PTPRC: variants seen among roughly 807,000 people sequenced by gnomAD.
PTPRC encodes the protein receptor-type tyrosine-protein phosphatase C.
In PTPRC, 44 loss-of-function variants were observed where a neutral mutation model predicts 155.9. The observed-to-expected ratio is 0.28, with a 90% CI of 0.22 to 0.36. The LOEUF (loss-of-function observed/expected upper bound fraction) is 0.36, where lower values mean the gene tolerates loss of function less well. PTPRC is among the 10% of genes least tolerant of loss of function. PTPRC has a pLI of 1.00. For synonymous variants in PTPRC, 525 were observed against 533.1 expected, an observed-to-expected ratio of 0.98 and a Z score of 0.21; for missense variants, 1,401 against 1,564.6, an observed-to-expected ratio of 0.90 and a Z score of 1.76.
intron 12 of PTPRC, 129 bp from the exon 13 acceptor site, chr1:198,716,553 A>T: frequency 2.6e-6 from 2 of 760,676 alleles, no homozygotes; most frequent in South Asian, 3.3e-5. Context: ...TCAAGGATGT[A>T]CTTATTTTTC....
intron 15 of PTPRC, among the ~76,000 whole-genome samples, chr1:198,725,551 T>C (rs1249240843): frequency 6.6e-6 from 1 of 152,238 alleles, no homozygotes. Context: ...GGTGTCCAAC[T>C]ATTGCATATG....
rs186169198 is a variant in PTPRC, at chr1:198,742,201, T to C, written c.2562-31T>C. 6,364 of 1,612,022 alleles carry C rather than the reference T, an allele frequency of 3.9e-3. 26 individuals carry two copies. Among genetic ancestry groups the C allele is most frequent in the Non-Finnish European group, 5.0e-3 (5,837 of 1,178,674 alleles). On this transcript the variant is annotated intron_variant, in intron 24 of 32. Coordinates refer to ENST00000442510, the MANE Select transcript of PTPRC (RefSeq NM_002838.5). Reference sequence around the variant, plus strand: ...ACACCTGACAGCTTTTCCATGATCATGCCTCTGCTTTTTTTTGCTTGGTTT... The same window carrying C: ...ACACCTGACAGCTTTTCCATGATCACGCCTCTGCTTTTTTTTGCTTGGTTT...
intron 2 of PTPRC, among the ~76,000 whole-genome samples, chr1:198,640,196 A>G (rs1018738932): frequency 4.6e-5 from 7 of 151,978 alleles, no homozygotes; most frequent in African/African-American, 4.8e-5. Flanking sequence ...TCATGAGTAC[A>G]TTTCAATAGA....
chr1:198,665,201 T>G (rs1481057633), intron 2 of PTPRC, among the ~76,000 whole-genome samples: 1 of 146,678 alleles, frequency 6.8e-6, no homozygotes, highest in African/African-American at 2.5e-5. Context: ...GCCATTCTCC[T>G]GCCTCAGCCT....
chr1:198,672,901 T>G (rs1319310359), intron 2 of PTPRC, among the ~76,000 whole-genome samples: 2 of 152,200 alleles, frequency 1.3e-5, no homozygotes, highest in African/African-American at 4.8e-5. Flanking sequence ...TACTGAAAGC[T>G]CTATAATAAT....
rs1655288132 is a variant in PTPRC, at chr1:198,749,561, A to G, written c.3072+12A>G. On this transcript the variant is annotated intron_variant, in intron 28 of 32. Transcript: ENST00000442510. ...CATCTTTTATAATGGTAGGTACTTA[A>G]ATTGCCAAAACCCAAGATCCAAACA... 1 of 1,609,438 alleles carries G rather than the reference A, an allele frequency of 6.2e-7. No individual in the cohort carries two copies. Among genetic ancestry groups the G allele is most frequent in the Admixed American group, 1.7e-5 (1 of 59,706 alleles).
chr1:198,755,571 C>T (rs904304029), intron 32 of PTPRC, among the ~76,000 whole-genome samples: 14 of 151,948 alleles, frequency 9.2e-5, no homozygotes, highest in Non-Finnish European at 1.9e-4. Flanking sequence ...GCAGTGATTC[C>T]TGCCCTGATT....
intron 30 of PTPRC, 26 bp downstream of exon 30, chr1:198,752,397 T>A (rs1655425444): frequency 1.9e-6 from 3 of 1,611,136 alleles, no homozygotes; most frequent in Non-Finnish European, 2.5e-6. Flanking sequence ...GGGGAGTATA[T>A]TTCTTTGATA....
chr1:198,703,604 G>A (rs1571851484), intron 7 of PTPRC: 1 of 665,646 alleles, frequency 1.5e-6, no homozygotes, highest in Non-Finnish European at 2.5e-6. Context: ...GCATGTGTGA[G>A]AAACAACCAC....
At chr1:198,654,268 A>G (rs1273341442) in intron 2 of PTPRC, among the ~76,000 whole-genome samples, 2 of 151,896 alleles carry the variant, frequency 1.3e-5, no homozygotes, top group Non-Finnish European at 2.9e-5. Flanking sequence ...GAGGTTAACA[A>G]TAACAGTGGC....
Position 198,709,902 on chromosome 1 carries a change from A to G in PTPRC, c.1171+78A>G. The G allele has an allele frequency of 1.3e-6, 2 of 1,553,410 alleles. No homozygotes were observed. The highest frequency in any genetic ancestry group is 8.8e-7 in the Non-Finnish European group (1 of 1,139,910). ...TATAATTATTTGAGAATCATAGGAA[A>G]TGAATTGTCTTTTTGCTGTTTTTGA... On this transcript the variant is annotated intron_variant, in intron 11 of 32. Coordinates refer to ENST00000442510, the MANE Select transcript of PTPRC (RefSeq NM_002838.5).
At chr1:198,645,081 T>C (rs1225243071) in intron 2 of PTPRC, among the ~76,000 whole-genome samples, 2 of 151,850 alleles carry the variant, frequency 1.3e-5, no homozygotes, top group Admixed American at 1.3e-4. Context: ...GATTTGCTAA[T>C]GTAGGAGTAG....
chr1:198,719,230 G>A (rs1487245471), intron 14 of PTPRC, among the ~76,000 whole-genome samples: 1 of 152,024 alleles, frequency 6.6e-6, no homozygotes, highest in Non-Finnish European at 1.5e-5. Context: ...CACCAACACT[G>A]AATACGCCTT....
At chr1:198,667,924 G>A (rs1051757298) in intron 2 of PTPRC, among the ~76,000 whole-genome samples, 2 of 152,176 alleles carry the variant, frequency 1.3e-5, no homozygotes, top group Non-Finnish European at 2.9e-5. Context: ...CTGGAAAGAA[G>A]TAGGCAATCA....
chr1:198,640,364 A>G (rs1251910699), intron 2 of PTPRC, among the ~76,000 whole-genome samples: 1 of 151,906 alleles, frequency 6.6e-6, no homozygotes, highest in Admixed American at 6.6e-5. Context: ...TCTTTTTTTG[A>G]CTTTTACCGT....
chr1:198,688,252 T>C (rs1665740114), intron 2 of PTPRC, among the ~76,000 whole-genome samples: 1 of 152,160 alleles, frequency 6.6e-6, no homozygotes, highest in Non-Finnish European at 1.5e-5. Context: ...ACATATTCAA[T>C]TCAAGAGGCC....
chr1:198,699,507 A>C, intron 4 of PTPRC, 57 bp from the exon 5 acceptor site: 2 of 1,603,580 alleles, frequency 1.2e-6, no homozygotes, highest in Non-Finnish European at 1.7e-6. Context: ...CCTCTTAGTA[A>C]ATTATTCATC....
At chr1:198,746,749 C>CT (rs1655152836) in intron 26 of PTPRC, among the ~76,000 whole-genome samples, 1 of 151,742 alleles carries the variant, frequency 6.6e-6, no homozygotes, top group Admixed American at 6.6e-5. Context: ...CCATTAATTC[C>CT]ACCTATAATC....
chr1:198,740,571 G>A (rs559678524), intron 23 of PTPRC, among the ~76,000 whole-genome samples: 3 of 140,206 alleles, frequency 2.1e-5, no homozygotes, highest in African/African-American at 7.5e-5. Context: ...TTTGCAGTGA[G>A]ACTTTATCTC....
Sources: gnomAD v4.1 joint callset for allele counts (sites outside exome capture counted in the v4.1 genomes callset) on GRCh38, gnomAD v4.1.1 for gene constraint, MANE v1.5 for transcripts, NCBI Gene and HGNC (gene_info 2026-07-23, HGNC 2026-07-21) for gene names.